LHFPL6: variants seen among roughly 807,000 people sequenced by gnomAD.
LHFPL6 encodes LHFPL tetraspan subfamily member 6.
Under a neutral mutation model 20.6 loss-of-function variants are expected in LHFPL6, and 9 were observed. The ratio of observed to expected loss-of-function variants is 0.44; its 90% CI spans 0.26 to 0.76. LHFPL6 has a LOEUF of 0.76. Ranked by LOEUF, LHFPL6 falls within the 30% of genes least tolerant of loss-of-function variation. LHFPL6 has a pLI of 0.20. For synonymous variants in LHFPL6, 105 were observed against 98.7 expected (o/e 1.06, Z -0.38); for missense variants, 218 against 253.5 (o/e 0.86, Z 0.95).
chr13:39,489,331 G>C (rs1400698207), intron 2 of LHFPL6, among the ~76,000 whole-genome samples: 1 of 152,098 alleles, frequency 6.6e-6, no homozygotes, highest in Non-Finnish European at 1.5e-5. Context: ...GGAAGTCAGG[G>C]GGCCCAGGTT....
chr13:39,381,826 CAAAAA>C (rs10581776), intron 2 of LHFPL6, among the ~76,000 whole-genome samples: 2 of 140,520 alleles, frequency 1.4e-5, no homozygotes, highest in Non-Finnish European at 3.1e-5. Flanking sequence ...AATTTATAGA[CAAAAA>C]AAAAAAAAAA....
At chr13:39,541,339 A>T (rs1870791412) in intron 2 of LHFPL6, among the ~76,000 whole-genome samples, 1 of 152,212 alleles carries the variant, frequency 6.6e-6, no homozygotes, top group Non-Finnish European at 1.5e-5. Flanking sequence ...AGGCAAAAAA[A>T]TAAGCAAAAC....
At chr13:39,533,107 T>A (rs1460587790) in intron 2 of LHFPL6, among the ~76,000 whole-genome samples, 1 of 152,216 alleles carries the variant, frequency 6.6e-6, no homozygotes, top group East Asian at 1.9e-4. Flanking sequence ...ATTGCAACCT[T>A]GGACTCTAGA....
chr13:39,556,508 AG>A (rs1342819712), intron 2 of LHFPL6, among the ~76,000 whole-genome samples: 2 of 152,154 alleles, frequency 1.3e-5, no homozygotes, highest in Admixed American at 1.3e-4. Context: ...TTTATGCCCT[AG>A]GGATGTGTGG....
At chr13:39,436,911 G>C (rs1435033338) in intron 2 of LHFPL6, among the ~76,000 whole-genome samples, 1 of 152,180 alleles carries the variant, frequency 6.6e-6, no homozygotes, top group African/African-American at 2.4e-5. Context: ...TCAACCACTT[G>C]ATCGCACAGT....
intron 2 of LHFPL6, among the ~76,000 whole-genome samples, chr13:39,496,694 A>T (rs1468994078): frequency 1.3e-5 from 2 of 152,176 alleles, no homozygotes; most frequent in African/African-American, 4.8e-5. Context: ...GACCAAAAAT[A>T]CTCACCACAG....
chr13:39,349,987 G>T (rs1197946218), intron 3 of LHFPL6, among the ~76,000 whole-genome samples: 1 of 152,160 alleles, frequency 6.6e-6, no homozygotes, highest in Non-Finnish European at 1.5e-5. Context: ...TTCCCTCTTT[G>T]AAACTGTCAT....
At chr13:39,436,080 A>G (rs1465113221) in intron 2 of LHFPL6, among the ~76,000 whole-genome samples, 5 of 151,874 alleles carry the variant, frequency 3.3e-5, no homozygotes, top group Non-Finnish European at 7.4e-5. Flanking sequence ...TTACTAAGGT[A>G]AATATCAATA....
chr13:39,457,232 A>G (rs1566115790), intron 2 of LHFPL6, among the ~76,000 whole-genome samples: 1 of 152,248 alleles, frequency 6.6e-6, no homozygotes, highest in Non-Finnish European at 1.5e-5. Context: ...AAATCTTTGC[A>G]ATACATATGT....
chr13:39,519,803 T>G (rs1262181955), intron 2 of LHFPL6, among the ~76,000 whole-genome samples: 1 of 151,916 alleles, frequency 6.6e-6, no homozygotes, highest in South Asian at 2.1e-4. Flanking sequence ...AGAAGACAAA[T>G]GAGGTAATAG....
At chr13:39,581,801 C>T (rs1422206928) in intron 2 of LHFPL6, among the ~76,000 whole-genome samples, 1 of 152,146 alleles carries the variant, frequency 6.6e-6, no homozygotes, top group Non-Finnish European at 1.5e-5. Context: ...AACTGTTAAG[C>T]AGCTGGCACT....
intron 2 of LHFPL6, among the ~76,000 whole-genome samples, chr13:39,385,179 G>A (rs1175001175): frequency 6.6e-6 from 1 of 152,208 alleles, no homozygotes; most frequent in Non-Finnish European, 1.5e-5. Context: ...TTTTAAAGAG[G>A]TTTTAGGATT....
chr13:39,511,488 A>G (rs1198660033), intron 2 of LHFPL6, among the ~76,000 whole-genome samples: 2 of 152,032 alleles, frequency 1.3e-5, no homozygotes, highest in African/African-American at 4.8e-5. Flanking sequence ...AAAAAGACAG[A>G]AAAGAGATAC....
intron 2 of LHFPL6, among the ~76,000 whole-genome samples, chr13:39,556,708 A>C (rs1871313128): frequency 6.6e-6 from 1 of 152,160 alleles, no homozygotes; most frequent in Non-Finnish European, 1.5e-5. Flanking sequence ...TCATGCTATA[A>C]ACCCAGCAAT....
intron 2 of LHFPL6, among the ~76,000 whole-genome samples, chr13:39,410,356 T>C (rs536896401): frequency 6.6e-5 from 10 of 152,264 alleles, no homozygotes; most frequent in Admixed American, 6.5e-4. Flanking sequence ...TCTATTCCCA[T>C]TGCCATGGTG....
chr13:39,467,341 C>A (rs1235327660), intron 2 of LHFPL6, among the ~76,000 whole-genome samples: 2 of 152,088 alleles, frequency 1.3e-5, no homozygotes, highest in Non-Finnish European at 2.9e-5. Context: ...CAATCTCCTC[C>A]CAACTATTTT....
At chr13:39,521,093 CTTTCT>C (rs1324329344) in intron 2 of LHFPL6, among the ~76,000 whole-genome samples, 2 of 152,136 alleles carry the variant, frequency 1.3e-5, no homozygotes, top group Non-Finnish European at 2.9e-5. Context: ...AATTATTCTC[CTTTCT>C]TTTAACATAG....
Position 39,352,919 on chromosome 13 carries a change from ATATAAATGTATATATATG to A in LHFPL6, c.485-8883_485-8866del, listed in dbSNP as rs1377068412. ...TGTATATATATATAAATGTATATAT[ATATAAATGTATATATATG>A]TGTGTATATATATATACATACATAC... is the stretch of plus-strand genomic sequence containing the variant. On this transcript the variant is annotated intron_variant, in intron 3 of 3. Transcript: ENST00000379589. Among the ~76,000 whole-genome samples, 122 of 58,810 alleles carry A rather than the reference ATATAAATGTATATATATG, an allele frequency of 2.1e-3. 5 individuals are homozygous for A. The highest frequency in any genetic ancestry group is 3.5e-3 in the East Asian group (4 of 1,142). The allele number at this position is 58,810 out of a possible 152,430, so 38.6% of individuals were successfully genotyped here.
intron 2 of LHFPL6, among the ~76,000 whole-genome samples, chr13:39,576,139 T>A (rs1055473358): frequency 7.9e-5 from 12 of 152,324 alleles, no homozygotes; most frequent in African/African-American, 2.6e-4. Flanking sequence ...CTTGTTCCTA[T>A]GTCTCCAAAA....
Sources: allele counts gnomAD v4.1 joint callset (sites outside exome capture counted in the v4.1 genomes callset), GRCh38; gene constraint gnomAD v4.1.1; transcripts MANE v1.5; gene names NCBI Gene and HGNC (gene_info 2026-07-23, HGNC 2026-07-21).